Variants in ADD3 observed in about 807,000 individuals in gnomAD.
ADD3 encodes gamma-adducin.
In ADD3, 25 loss-of-function variants were observed where a neutral mutation model predicts 80.2. The observed-to-expected ratio is 0.31, with a 90% confidence interval of 0.23 to 0.44. The LOEUF (loss-of-function observed/expected upper bound fraction) is 0.44, where lower values mean the gene tolerates loss of function less well. Ranked by LOEUF, ADD3 falls within the 20% of genes least tolerant of loss-of-function variation. ADD3 has a pLI of 1.00. For missense variants in ADD3, 829 were observed against 847.5 expected, an observed-to-expected ratio of 0.98 and a Z score of 0.27; for synonymous variants, 284 against 289.6, an observed-to-expected ratio of 0.98 and a Z score of 0.20.
At chr10:110,127,698 C>A (rs1355910373) in intron 12 of ADD3, among the ~76,000 whole-genome samples, 1 of 152,186 alleles carries the variant, frequency 6.6e-6, no homozygotes, top group Admixed American at 6.5e-5. Context: ...TGTTCCAGCC[C>A]CCCTTCATTC....
intron 1 of ADD3, among the ~76,000 whole-genome samples, chr10:110,086,795 T>C (rs575635797): frequency 6.6e-6 from 1 of 152,262 alleles, no homozygotes; most frequent in South Asian, 2.1e-4. Context: ...TAGTCTCAGG[T>C]AGTTCTTTAC....
chr10:110,054,439 CTTT>C (rs36097209), intron 1 of ADD3, among the ~76,000 whole-genome samples: 31 of 80,850 alleles, frequency 3.8e-4, no homozygotes, highest in African/African-American at 7.1e-4. Flanking sequence ...CCAGTTTTCT[CTTT>C]TTTTTTTTTT....
At chr10:110,001,243 C>G (rs9783142), upstream of ADD3, among the ~76,000 whole-genome samples, 1,107 of 151,810 alleles carry the variant, frequency 7.3e-3, 9 homozygotes, top group African/African-American at 0.025. Flanking sequence ...GGCAAAACCC[C>G]GTCTCTACTA....
chr10:110,124,865 A>T (rs1460634983), intron 10 of ADD3, among the ~76,000 whole-genome samples: 1 of 152,196 alleles, frequency 6.6e-6, no homozygotes, highest in Non-Finnish European at 1.5e-5. Context: ...ATGGCCCAGG[A>T]TGGCTTTGGA....
chr10:110,036,155 AAAC>A, intron 1 of ADD3, among the ~76,000 whole-genome samples: 1 of 152,180 alleles, frequency 6.6e-6, no homozygotes, highest in Non-Finnish European at 1.5e-5. Context: ...CATCTCAAAA[AAAC>A]AAACAAAAAA....
intron 1 of ADD3, among the ~76,000 whole-genome samples, chr10:110,052,992 C>A (rs1857702192): frequency 6.6e-6 from 1 of 152,096 alleles, no homozygotes; most frequent in African/African-American, 2.4e-5. Context: ...GGCAAAATAC[C>A]TGGTTTAGAA....
intron 1 of ADD3, among the ~76,000 whole-genome samples, chr10:110,092,224 C>T (rs1222787842): frequency 1.3e-5 from 2 of 151,948 alleles, no homozygotes; most frequent in African/African-American, 4.8e-5. Flanking sequence ...GGGTGTATAC[C>T]CAAAGGAATA....
At chr10:110,049,780 G>A (rs200739783) in intron 1 of ADD3, among the ~76,000 whole-genome samples, 14 of 152,094 alleles carry the variant, frequency 9.2e-5, no homozygotes, top group African/African-American at 2.9e-4. Context: ...CCAGCTACTC[G>A]GGAGGCTGAG....
At chr10:110,074,742 A>C (rs1845189961) in intron 1 of ADD3, among the ~76,000 whole-genome samples, 1 of 152,254 alleles carries the variant, frequency 6.6e-6, no homozygotes, top group African/African-American at 2.4e-5. Context: ...AATTTAAATG[A>C]AACAAATATT....
intron 2 of ADD3, among the ~76,000 whole-genome samples, chr10:110,106,590 A>G (rs1298043355): frequency 6.6e-6 from 1 of 152,084 alleles, no homozygotes; most frequent in East Asian, 1.9e-4. Flanking sequence ...TCCATACTTT[A>G]TGAATTCAAA....
At chr10:110,133,245 C>A in intron 14 of ADD3, 81 bp from the exon 15 acceptor site, 1 of 1,401,558 alleles carries the variant, frequency 7.1e-7, no homozygotes, top group Non-Finnish European at 9.6e-7. Context: ...TATTACATTG[C>A]TAAAACATTT....
chr10:110,010,705 G>T (rs191511019), intron 1 of ADD3, among the ~76,000 whole-genome samples: 42 of 152,318 alleles, frequency 2.8e-4, no homozygotes, highest in African/African-American at 8.2e-4. Context: ...CAACCCAGTG[G>T]CTAAACAGAG....
chr10:110,088,640 CT>C (rs909128119), intron 1 of ADD3, among the ~76,000 whole-genome samples: 1 of 152,168 alleles, frequency 6.6e-6, no homozygotes, highest in African/African-American at 2.4e-5. Context: ...TTTGGATTGA[CT>C]TTTGCAGCTG....
intron 1 of ADD3, among the ~76,000 whole-genome samples, chr10:110,028,868 A>G (rs1288098462): frequency 2.0e-5 from 3 of 150,716 alleles, no homozygotes; most frequent in Admixed American, 6.6e-5. Flanking sequence ...TATGATACAA[A>G]TTCATCACTT....
chr10:110,052,207 C>A (rs942678447), intron 1 of ADD3, among the ~76,000 whole-genome samples: 2 of 152,170 alleles, frequency 1.3e-5, no homozygotes, highest in Non-Finnish European at 2.9e-5. Flanking sequence ...TCTTTCATAT[C>A]ACCTCTGTCT....
At chr10:110,097,893 GCCT>G (rs891025247) in intron 1 of ADD3, among the ~76,000 whole-genome samples, 2 of 151,354 alleles carry the variant, frequency 1.3e-5, no homozygotes, top group Admixed American at 6.6e-5. Flanking sequence ...TCCTGCCTCA[GCCT>G]CCTGAGTAGC....
intron 5 of ADD3, among the ~76,000 whole-genome samples, chr10:110,117,797 C>T (rs1187064423): frequency 2.0e-5 from 3 of 151,850 alleles, no homozygotes; most frequent in Admixed American, 6.6e-5. Context: ...AAGTGGATCA[C>T]GAGGTCAGGA....
Position 110,119,196 on chromosome 10 carries a change from G to A in ADD3, c.718-15G>A. The A allele has an allele frequency of 6.2e-7, 1 of 1,613,684 alleles. No individual in the cohort carries two copies. Among genetic ancestry groups the A allele is most frequent in the Non-Finnish European group, 8.5e-7 (1 of 1,179,814 alleles). ...TAACCAAATGTGTTATCTTGGTATGGGCCAAACCAAATAGGTATCCTCCAT... is the reference window on the plus strand; with the variant it reads ...TAACCAAATGTGTTATCTTGGTATGAGCCAAACCAAATAGGTATCCTCCAT... On this transcript the variant is annotated splice_polypyrimidine_tract_variant and intron_variant, in intron 6 of 14. Transcript: ENST00000356080.
chr10:110,051,011 T>A (rs1164236319), intron 1 of ADD3, among the ~76,000 whole-genome samples: 1 of 152,194 alleles, frequency 6.6e-6, no homozygotes, highest in Non-Finnish European at 1.5e-5. Context: ...AACTCACATA[T>A]ACAGTCAATT....
Sources: allele counts gnomAD v4.1 joint callset (sites outside exome capture counted in the v4.1 genomes callset), GRCh38; gene constraint gnomAD v4.1.1; transcripts MANE v1.5; gene names NCBI Gene and HGNC (gene_info 2026-07-23, HGNC 2026-07-21).